The following PTPRZ1 variants were observed in gnomAD, a reference collection of about 807,000 sequenced individuals.
PTPRZ1 encodes the protein receptor-type tyrosine-protein phosphatase zeta.
A neutral mutation model predicts 214.1 loss-of-function variants in PTPRZ1; 82 were observed. That is an observed-to-expected ratio of 0.38 (90% confidence interval 0.32 to 0.46). The LOEUF (loss-of-function observed/expected upper bound fraction) is 0.46, where lower values mean the gene tolerates loss of function less well. PTPRZ1 is among the 20% of genes least tolerant of loss of function. The probability of loss-of-function intolerance (pLI) is 1.00; values close to 1 mark genes in which losing one functional copy is unlikely to be tolerated. For missense variants in PTPRZ1, 2,603 were observed against 2,748.7 expected, an observed-to-expected ratio of 0.95 and a Z score of 1.19; for synonymous variants, 945 against 987.9, an observed-to-expected ratio of 0.96 and a Z score of 0.81.
At chr7:121,987,849 T>A (rs942321379) in intron 8 of PTPRZ1, among the ~76,000 whole-genome samples, 3 of 152,124 alleles carry the variant, frequency 2.0e-5, no homozygotes, top group Non-Finnish European at 2.9e-5. Context: ...TCATAAAAAA[T>A]GAAATCATGT....
Position 122,011,529 on chromosome 7 carries a change from G to A in PTPRZ1, c.2483G>A (p.Ser828Asn). 6.2e-7 allele frequency: 1 copy of A among 1,614,036 alleles called. No homozygotes were observed. The highest frequency in any genetic ancestry group is 8.5e-7 in the Non-Finnish European group (1 of 1,179,954). ...CTTCCATTTTCCTCTGCTTCCTTCA[G>A]TAGTGAATTGTTTCGCCATCTGCAT... is the stretch of plus-strand genomic sequence containing the variant. ...PLLPFSSASF[S>N]SELFRHLHTV... Residue 828 changes from serine to asparagine, a missense_variant, in exon 12 of 30, where the codon AGT becomes AAT. Physicochemically the swap from Ser to Asn is conservative, Grantham distance 46. This residue lies in a region of PTPRZ1 where 1,913 missense variants were observed against 1,914.3 expected (regional missense o/e 1.00). Coordinates refer to ENST00000393386, the MANE Select transcript of PTPRZ1 (RefSeq NM_002851.3).
At position 122,040,931 on chromosome 7, in the gene PTPRZ1, C is replaced by T; in HGVS notation, c.5753C>T (p.Ala1918Val). Residue 1918 changes from alanine to valine, a missense_variant, in exon 21 of 30, where the codon GCA becomes GTA. Ala to Val is a moderately conservative substitution (Grantham distance 64). Coordinates refer to ENST00000393386, the MANE Select transcript of PTPRZ1 (RefSeq NM_002851.3). ...SLPVLTFVRKAAYAKRHAVGP... is the reference protein window; with the variant it reads ...SLPVLTFVRKVAYAKRHAVGP... ...CCAGTGCTGACCTTTGTGAGAAAGG[C>T]AGCCTATGCCAAGCGCCATGCAGTG... 6.3e-7 allele frequency: 1 copy of T among 1,599,626 alleles called. No homozygotes were observed. Among genetic ancestry groups the T allele is most frequent in the Non-Finnish European group, 8.6e-7 (1 of 1,169,312 alleles).
intron 1 of PTPRZ1, among the ~76,000 whole-genome samples, chr7:121,922,795 CCTT>C (rs1395599259): frequency 7.2e-5 from 11 of 152,308 alleles, no homozygotes; most frequent in Admixed American, 2.6e-4. Flanking sequence ...GGTTCTAAGT[CCTT>C]CTTCAAGCCT....
At chr7:122,059,961 T>C in intron 29 of PTPRZ1, 73 bp downstream of exon 29, 1 of 1,434,866 alleles carries the variant, frequency 7.0e-7, no homozygotes, top group Non-Finnish European at 9.4e-7. Context: ...TGCTGAAATC[T>C]TATGTATCAA....
chr7:121,972,602 AG>A lies in PTPRZ1; in HGVS notation c.367del (p.Ala123GlnfsTer4). 6.2e-7 allele frequency: 1 copy of A among 1,613,676 alleles called. No individual in the cohort carries two copies. Among genetic ancestry groups the A allele is most frequent in the Non-Finnish European group, 8.5e-7 (1 of 1,179,754 alleles). ...GAGGAGTTTCAGAAATGGTGTTTAA[AG>A]CAAGCAAGATAACTTTTCACTGGGG... ...SGGVSEMVFK[A>X]SKITFHWGKC... On this transcript the variant is annotated frameshift_variant, in exon 4 of 30. Coordinates refer to ENST00000393386, the MANE Select transcript of PTPRZ1 (RefSeq NM_002851.3). LOFTEE classifies it high-confidence loss of function.
chr7:122,008,484 A>G (rs1584735976), intron 11 of PTPRZ1, among the ~76,000 whole-genome samples: 1 of 152,182 alleles, frequency 6.6e-6, no homozygotes, highest in East Asian at 1.9e-4. Flanking sequence ...TCTAAAACAC[A>G]GAAGTGCGAA....
intron 2 of PTPRZ1, among the ~76,000 whole-genome samples, chr7:121,965,447 A>C (rs1430150557): frequency 2.6e-5 from 4 of 152,114 alleles, no homozygotes; most frequent in Non-Finnish European, 5.9e-5. Flanking sequence ...CTCAGCTCCC[A>C]GAGGCAGGTC....
chr7:121,963,526 G>A (rs946721147), intron 2 of PTPRZ1, among the ~76,000 whole-genome samples: 71 of 152,170 alleles, frequency 4.7e-4, no homozygotes, highest in African/African-American at 1.6e-3. Context: ...CATGTTCTGG[G>A]TGGTCTTCTG....
At chr7:122,060,387 T>C (rs1238660506) in intron 29 of PTPRZ1, among the ~76,000 whole-genome samples, 1 of 152,228 alleles carries the variant, frequency 6.6e-6, no homozygotes, top group African/African-American at 2.4e-5. Context: ...AATTATGCAC[T>C]GCGTCACATG....
At chr7:122,023,652 A>G (rs974654159) in intron 13 of PTPRZ1, among the ~76,000 whole-genome samples, 5 of 132,196 alleles carry the variant, frequency 3.8e-5, no homozygotes, top group African/African-American at 1.4e-4. Context: ...ATATAATTAT[A>G]TATATTATAT....
rs899005546 is a variant in PTPRZ1, at chr7:121,992,423, G to A, written c.929-3959G>A. On this transcript the variant is annotated intron_variant, in intron 8 of 29. Coordinates refer to ENST00000393386, the MANE Select transcript of PTPRZ1 (RefSeq NM_002851.3). ...CTTTGCTTATTAATATTTTAGCACC[G>A]GTTCCACAGATCACATCCATTCCTA... Among the ~76,000 whole-genome samples, 20 of 152,010 alleles carry A rather than the reference G, an allele frequency of 1.3e-4. No individual in the cohort carries two copies. The East Asian group carries it at 3.1e-3, about 24-fold the overall frequency.
At chr7:122,040,701 T>A in intron 20 of PTPRZ1, 115 bp from the exon 21 acceptor site, 1 of 728,196 alleles carries the variant, frequency 1.4e-6, no homozygotes, top group Non-Finnish European at 2.0e-6. Context: ...CAAATCAAGC[T>A]ATGATTCCTG....
chr7:121,909,264 A>AAAGGGG (rs1795202545), intron 1 of PTPRZ1, among the ~76,000 whole-genome samples: 1 of 152,114 alleles, frequency 6.6e-6, no homozygotes. Context: ...ATAAACCAAT[A>AAAGGGG]AAGGGGATTC....
At chr7:121,952,160 G>T (rs373620656) in intron 2 of PTPRZ1, among the ~76,000 whole-genome samples, 95 of 152,148 alleles carry the variant, frequency 6.2e-4, no homozygotes, top group African/African-American at 2.2e-3. Flanking sequence ...GGGTTTCACC[G>T]TGTTAGCGAG....
chr7:121,914,676 T>C (rs1435365209), intron 1 of PTPRZ1, among the ~76,000 whole-genome samples: 2 of 152,184 alleles, frequency 1.3e-5, no homozygotes, highest in African/African-American at 4.8e-5. Context: ...CCATGGTATT[T>C]TAAAGACCAA....
chr7:122,032,919 A>ATAGTGTTAACTCAATGTTAATTT (rs1799425419), intron 15 of PTPRZ1, among the ~76,000 whole-genome samples: 1 of 152,100 alleles, frequency 6.6e-6, no homozygotes, highest in Non-Finnish European at 1.5e-5. Context: ...TACGCATGCT[A>ATAGTGTTAACTCAATGTTAATTT]TAGTGTTAAC....
intron 25 of PTPRZ1, 118 bp from the exon 26 acceptor site, chr7:122,053,792 G>A: frequency 2.4e-6 from 3 of 1,241,340 alleles, no homozygotes; most frequent in Middle Eastern, 2.0e-4. Flanking sequence ...ACTACATATA[G>A]ACACAATCTG....
Position 122,044,520 on chromosome 7 carries a change from C to A in PTPRZ1, c.6036C>A (p.Leu2012=). The change falls in exon 23 of 30, where the codon CTC becomes CTA. Residue 2012 remains leucine, a synonymous_variant. Transcript: ENST00000393386. ...DSHIHAYVNA[L]LIPGPAGKTK... ...ATATTCATGCCTATGTTAATGCACT[C>A]CTCATTCCTGGACCAGCAGGCAAAA... 2.5e-6 allele frequency: 4 copies of A among 1,613,872 alleles called. No individual in the cohort carries two copies. Among genetic ancestry groups the A allele is most frequent in the Non-Finnish European group, 3.4e-6 (4 of 1,179,818 alleles).
intron 9 of PTPRZ1, 68 bp downstream of exon 9, chr7:121,996,634 A>T: frequency 8.2e-7 from 1 of 1,226,176 alleles, no homozygotes; most frequent in Non-Finnish European, 1.1e-6. Flanking sequence ...AAGAACTTAC[A>T]AATGGTTGTA....
Sources: allele counts gnomAD v4.1 joint callset (sites outside exome capture counted in the v4.1 genomes callset), GRCh38; gene constraint gnomAD v4.1.1; regional missense constraint gnomAD v4.1.1; transcripts MANE v1.5; gene names NCBI Gene and HGNC (gene_info 2026-07-23, HGNC 2026-07-21).